The following ROR2 variants were observed in gnomAD, a reference collection of about 807,000 sequenced individuals.
The protein encoded by ROR2 is ROR family WNT receptor 2.
ROR2 carries 33 observed loss-of-function variants against 74.9 expected under a neutral mutation model. The ratio of observed to expected loss-of-function variants is 0.44; its 90% CI spans 0.33 to 0.59. The LOEUF (loss-of-function observed/expected upper bound fraction) is 0.59. Ranked by LOEUF, ROR2 falls within the 20% of genes least tolerant of loss-of-function variation. The pLI is 0.02. For synonymous variants in ROR2, 586 were observed against 558.7 expected (o/e 1.05, Z -0.69); for missense variants, 1,216 against 1,313.8 (o/e 0.93, Z 1.15).
At chr9:91,741,563 G>T (rs1825247988) in intron 4 of ROR2, among the ~76,000 whole-genome samples, 1 of 152,016 alleles carries the variant, frequency 6.6e-6, no homozygotes, top group Non-Finnish European at 1.5e-5. Flanking sequence ...GCTTTTTTAA[G>T]GTTGAAAAGG....
chr9:91,771,079 G>A (rs1452056132), intron 2 of ROR2, among the ~76,000 whole-genome samples: 1 of 152,194 alleles, frequency 6.6e-6, no homozygotes, highest in Non-Finnish European at 1.5e-5. Flanking sequence ...TAGTAACCCA[G>A]GCACTGGTTT....
intron 1 of ROR2, among the ~76,000 whole-genome samples, chr9:91,790,812 G>A (rs572001483): frequency 1.3e-5 from 2 of 152,300 alleles, no homozygotes; most frequent in African/African-American, 4.8e-5. Flanking sequence ...TATGGACCTT[G>A]TGTTGGCCTA....
intron 5 of ROR2, among the ~76,000 whole-genome samples, chr9:91,734,628 G>C (rs547613070): frequency 1.1e-3 from 165 of 152,284 alleles, no homozygotes; most frequent in African/African-American, 3.9e-3. Flanking sequence ...AGCTGTGTGG[G>C]AACAGCCTTG....
At chr9:91,795,710 C>T (rs1296328559) in intron 1 of ROR2, among the ~76,000 whole-genome samples, 1 of 152,200 alleles carries the variant, frequency 6.6e-6, no homozygotes, top group African/African-American at 2.4e-5. Context: ...ACTAATCAAT[C>T]ATGGCATCAT....
intron 1 of ROR2, among the ~76,000 whole-genome samples, chr9:91,864,428 G>C (rs1829567203): frequency 6.6e-6 from 1 of 152,188 alleles, no homozygotes; most frequent in South Asian, 2.1e-4. Flanking sequence ...CAGGGGAGGG[G>C]ATAAGGAGCA....
chr9:91,857,420 G>A (rs950170936), intron 1 of ROR2, among the ~76,000 whole-genome samples: 6 of 152,180 alleles, frequency 3.9e-5, no homozygotes, highest in African/African-American at 1.4e-4. Context: ...TTTTTACACA[G>A]CCTTGCCTTT....
At chr9:91,779,213 G>A (rs77960295) in intron 1 of ROR2, among the ~76,000 whole-genome samples, 4,740 of 152,172 alleles carry the variant, frequency 0.031, 124 homozygotes, top group East Asian at 0.13. Flanking sequence ...GGGGCTCTAT[G>A]TACTGTCATC....
intron 1 of ROR2, among the ~76,000 whole-genome samples, chr9:91,937,029 C>CAAAAAAAAAAAAAAAAAAAA (rs540672189): frequency 3.0e-5 from 2 of 65,652 alleles, no homozygotes; most frequent in Non-Finnish European, 5.7e-5. Flanking sequence ...GACTCCGTCT[C>CAAAAAAAAAAAAAAAAAAAA]AAAAAAAAAA....
At chr9:91,814,741 AGGATCT>A (rs1827873569) in intron 1 of ROR2, among the ~76,000 whole-genome samples, 2 of 152,204 alleles carry the variant, frequency 1.3e-5, no homozygotes, top group Non-Finnish European at 2.9e-5. Flanking sequence ...CTGCCTTTCA[AGGATCT>A]GGGTGATGCT....
intron 4 of ROR2, among the ~76,000 whole-genome samples, chr9:91,739,467 C>G (rs1021920348): frequency 2.1e-5 from 3 of 144,850 alleles, no homozygotes; most frequent in African/African-American, 7.8e-5. Flanking sequence ...GATCAAACTA[C>G]TGGGCTCCAG....
At chr9:91,773,400 T>C (rs1826305304) in intron 2 of ROR2, among the ~76,000 whole-genome samples, 1 of 152,050 alleles carries the variant, frequency 6.6e-6, no homozygotes. Flanking sequence ...TAAATCAAAC[T>C]GCACCACCCC....
rs993175975 is a variant in ROR2 at position 91,887,620 on chromosome 9, T to C, written c.97+62247A>G. On this transcript the variant is annotated intron_variant, in intron 1 of 8. Transcript: ENST00000375708. ...TCCCCTTATGGTTTCCTTGCGCCCT[T>C]ATCTGAGGGGTTCTCTGACCTATGC... Among the ~76,000 whole-genome samples the C allele has an allele frequency of 2.6e-5, 4 of 152,100 alleles. No homozygotes were observed. In the East Asian group the frequency reaches 5.8e-4, roughly 22 times the overall value.
At chr9:91,859,326 C>T (rs1006077717) in intron 1 of ROR2, among the ~76,000 whole-genome samples, 1 of 151,632 alleles carries the variant, frequency 6.6e-6, no homozygotes, top group African/African-American at 2.4e-5. Flanking sequence ...CTCAGCCTCC[C>T]GGGTAGCTGG....
intron 1 of ROR2, among the ~76,000 whole-genome samples, chr9:91,886,499 CGCACGGCGCG>C (rs11279913): frequency 0.13 from 19,754 of 152,066 alleles, 2,649 homozygotes; most frequent in African/African-American, 0.34. Context: ...TGTGCACCCA[CGCACGGCGCG>C]GCAGCCCCTC....
At chr9:91,883,536 C>G (rs1437708827) in intron 1 of ROR2, among the ~76,000 whole-genome samples, 1 of 152,214 alleles carries the variant, frequency 6.6e-6, no homozygotes, top group Non-Finnish European at 1.5e-5. Context: ...TCTTCATTCA[C>G]ACTAATCATA....
At chr9:91,779,056 TG>T (rs1311438213) in intron 1 of ROR2, among the ~76,000 whole-genome samples, 2 of 152,126 alleles carry the variant, frequency 1.3e-5, no homozygotes, top group Admixed American at 1.3e-4. Flanking sequence ...GTCAGGACCC[TG>T]GAACAGAAAA....
intron 1 of ROR2, among the ~76,000 whole-genome samples, chr9:91,855,335 C>T (rs1462587136): frequency 6.6e-6 from 1 of 152,214 alleles, no homozygotes; most frequent in East Asian, 1.9e-4. Context: ...AGTGTCTGAG[C>T]GTGCATGACA....
intron 1 of ROR2, among the ~76,000 whole-genome samples, chr9:91,859,515 T>C (rs1223223989): frequency 1.3e-5 from 2 of 151,728 alleles, no homozygotes; most frequent in Non-Finnish European, 2.9e-5. Context: ...TTAACAACAG[T>C]CTCTTTTGGA....
chr9:91,872,692 AG>A (rs1829832665), intron 1 of ROR2, among the ~76,000 whole-genome samples: 2 of 152,188 alleles, frequency 1.3e-5, no homozygotes, highest in South Asian at 4.1e-4. Flanking sequence ...TATATTACAG[AG>A]GCTGGGCTGG....
Sources: gnomAD v4.1 joint callset for allele counts (sites outside exome capture counted in the v4.1 genomes callset) on GRCh38, gnomAD v4.1.1 for gene constraint, MANE v1.5 for transcripts, NCBI Gene and HGNC (gene_info 2026-07-23, HGNC 2026-07-21) for gene names.